Variants in FBXW7 observed in about 807,000 individuals in gnomAD.
The protein encoded by FBXW7 is F-box and WD repeat domain containing 7, also known as F-box/WD repeat-containing protein 7.
FBXW7 carries 11 observed loss-of-function variants against 86.3 expected under a neutral mutation model. The observed-to-expected ratio is 0.13, with a 90% confidence interval of 0.08 to 0.21. FBXW7 has a LOEUF of 0.21. Ranked by LOEUF, FBXW7 falls within the 10% of genes least tolerant of loss-of-function variation. The probability of loss-of-function intolerance (pLI) is 1.00; values close to 1 mark genes in which losing one functional copy is unlikely to be tolerated. For missense variants in FBXW7, 488 were observed against 847.4 expected, an observed-to-expected ratio of 0.58 and a Z score of 5.27; for synonymous variants, 313 against 297.9, an observed-to-expected ratio of 1.05 and a Z score of -0.52.
At chr4:152,528,421 T>C (rs537610191) in intron 2 of FBXW7, among the ~76,000 whole-genome samples, 4 of 152,338 alleles carry the variant, frequency 2.6e-5, no homozygotes, top group South Asian at 2.1e-4. Flanking sequence ...CATGGCAGGA[T>C]AATACAAGAC....
At chr4:152,353,003 GC>G in intron 4 of FBXW7, 1 of 1,235,552 alleles carries the variant, frequency 8.1e-7, no homozygotes, top group Non-Finnish European at 1.0e-6. Flanking sequence ...AGCAGAGACC[GC>G]CCCCACACGA....
intron 2 of FBXW7, among the ~76,000 whole-genome samples, chr4:152,426,042 C>T (rs1459715742): frequency 1.3e-5 from 2 of 152,142 alleles, no homozygotes; most frequent in Non-Finnish European, 2.9e-5. Flanking sequence ...GGCTCTGTGT[C>T]GCTCTGAAAT....
intron 6 of FBXW7, among the ~76,000 whole-genome samples, chr4:152,342,627 A>C (rs531142778): frequency 1.3e-5 from 2 of 152,322 alleles, no homozygotes; most frequent in African/African-American, 2.4e-5. Context: ...TAAAGAACTC[A>C]CTTCTCTAGC....
At chr4:152,509,559 T>C (rs1747769539) in intron 2 of FBXW7, among the ~76,000 whole-genome samples, 1 of 152,146 alleles carries the variant, frequency 6.6e-6, no homozygotes, top group Non-Finnish European at 1.5e-5. Context: ...TTAACGAACG[T>C]AAACTATTAT....
chr4:152,449,741 C>A (rs1054505106), intron 2 of FBXW7, among the ~76,000 whole-genome samples: 18 of 152,162 alleles, frequency 1.2e-4, no homozygotes, highest in African/African-American at 4.3e-4. Context: ...CTATACTATA[C>A]CTTTTATACT....
chr4:152,337,689 G>C (rs1730275541), intron 7 of FBXW7, 113 bp downstream of exon 7: 3 of 1,121,186 alleles, frequency 2.7e-6, no homozygotes, highest in Middle Eastern at 2.6e-4. Context: ...AATTAAGAGT[G>C]TCAAACTGAC....
intron 4 of FBXW7, among the ~76,000 whole-genome samples, chr4:152,405,492 G>T (rs1274875540): frequency 1.3e-5 from 2 of 152,114 alleles, no homozygotes; most frequent in Non-Finnish European, 2.9e-5. Flanking sequence ...TTCTCATTTA[G>T]GTTTGGCTTT....
In FBXW7 at chr4:152,322,800, C is replaced by CTTTTCTTT; in HGVS notation, c.*73_*80dup. ...GAGAACAAGGGATTTTTTTCTTTTT[C>CTTTTCTTT]TTTTCTTTTTTTCTTTTTGCAGGGG... On this transcript the variant is annotated 3_prime_UTR_variant, in exon 14 of 14. Coordinates refer to ENST00000281708, the MANE Select transcript of FBXW7 (RefSeq NM_001349798.2). 20 of 1,554,748 alleles carry CTTTTCTTT rather than the reference C, an allele frequency of 1.3e-5. No homozygotes were observed. The highest frequency in any genetic ancestry group is 1.7e-5 in the Non-Finnish European group (20 of 1,155,492).
chr4:152,510,566 A>T (rs761125754), intron 2 of FBXW7, among the ~76,000 whole-genome samples: 1 of 152,220 alleles, frequency 6.6e-6, no homozygotes, highest in Non-Finnish European at 1.5e-5. Context: ...AGTACCACAG[A>T]TCTCTCCAGC....
chr4:152,512,910 G>C (rs1748116117), intron 2 of FBXW7, among the ~76,000 whole-genome samples: 1 of 152,066 alleles, frequency 6.6e-6, no homozygotes, highest in Non-Finnish European at 1.5e-5. Context: ...GCCCAGGCTG[G>C]AGTGCAAATG....
intron 2 of FBXW7, among the ~76,000 whole-genome samples, chr4:152,475,819 A>C (rs536682007): frequency 3.9e-5 from 6 of 152,326 alleles, no homozygotes; most frequent in South Asian, 2.1e-4. Flanking sequence ...TGAAAACTAT[A>C]AAGCACTGAT....
chr4:152,496,298 G>C lies in FBXW7; in HGVS notation c.-120+38643C>G, dbSNP rs570538612. Among the ~76,000 whole-genome samples the C allele has an allele frequency of 2.6e-5, 4 of 151,984 alleles. No homozygotes were observed. The East Asian group carries it at 7.7e-4, about 29-fold the overall frequency. ...TATACTAATTGGTTTGTAGCTACCAGTAACAAAAAGTATTTTTATAAAAAT... is the reference window on the plus strand; with the variant it reads ...TATACTAATTGGTTTGTAGCTACCACTAACAAAAAGTATTTTTATAAAAAT... On this transcript the variant is annotated intron_variant, in intron 2 of 13. Transcript: ENST00000281708.
At chr4:152,335,638 T>C (rs1730000932) in intron 7 of FBXW7, among the ~76,000 whole-genome samples, 1 of 152,240 alleles carries the variant, frequency 6.6e-6, no homozygotes, top group Non-Finnish European at 1.5e-5. Flanking sequence ...TTCAGATAAT[T>C]ACCTTTTCCT....
At chr4:152,423,346 C>T (rs1739109982) in intron 2 of FBXW7, among the ~76,000 whole-genome samples, 1 of 152,132 alleles carries the variant, frequency 6.6e-6, no homozygotes, top group Non-Finnish European at 1.5e-5. Flanking sequence ...TATTACATGG[C>T]TGTATTACTC....
At position 152,359,997 on chromosome 4, in the gene FBXW7, ACTATTATTAACTTGCAGGATTAACAG is replaced by A. The variant is rs1271003161; in HGVS notation, c.502-9899_502-9874del. 3.9e-5 allele frequency among the ~76,000 whole-genome samples: 6 copies of A among 152,182 alleles called. No individual in the cohort carries two copies. The East Asian group carries it at 9.6e-4, about 24-fold the overall frequency. ...GACCTGAGATGTAAATGGAAATACGACTATTATTAACTTGCAGGATTAACAGCATCTATTAGACTTCTAATCACTGG... is the reference window on the plus strand; with the variant it reads ...GACCTGAGATGTAAATGGAAATACGACATCTATTAGACTTCTAATCACTGG... On this transcript the variant is annotated intron_variant, in intron 4 of 13. Coordinates refer to ENST00000281708, the MANE Select transcript of FBXW7 (RefSeq NM_001349798.2).
chr4:152,350,146 A>G lies in FBXW7; in HGVS notation c.502-22T>C, dbSNP rs1456394673. 6.2e-6 allele frequency: 9 copies of G among 1,441,622 alleles called. No individual in the cohort carries two copies. The South Asian group carries it at 1.1e-4, about 18-fold the overall frequency. 89.3% of individuals were successfully genotyped at this position (1,441,622 alleles called of 1,614,324 possible). On this transcript the variant is annotated intron_variant, in intron 4 of 13. Transcript: ENST00000281708. ...TCATCTATAAGGTAAAACAAACAAGATATGTTTTTTAAAAATCGTCTAACT... is the reference window on the plus strand; with the variant it reads ...TCATCTATAAGGTAAAACAAACAAGGTATGTTTTTTAAAAATCGTCTAACT...
chr4:152,509,007 T>A (rs1487564093), intron 2 of FBXW7, among the ~76,000 whole-genome samples: 2 of 152,166 alleles, frequency 1.3e-5, no homozygotes, highest in Non-Finnish European at 2.9e-5. Flanking sequence ...TAGGAAAACA[T>A]ACAAACACAA....
At chr4:152,416,637 A>C (rs1336601784) in intron 2 of FBXW7, among the ~76,000 whole-genome samples, 1 of 152,180 alleles carries the variant, frequency 6.6e-6, no homozygotes, top group Non-Finnish European at 1.5e-5. Context: ...ACACTAACAA[A>C]ATCAGCACAA....
chr4:152,405,873 T>C (rs576551315), intron 4 of FBXW7, among the ~76,000 whole-genome samples: 2 of 152,158 alleles, frequency 1.3e-5, no homozygotes, highest in Non-Finnish European at 2.9e-5. Flanking sequence ...AAATAAAAAC[T>C]TGGTTTGGAG....
Sources: allele counts gnomAD v4.1 joint callset (sites outside exome capture counted in the v4.1 genomes callset), GRCh38; gene constraint gnomAD v4.1.1; transcripts MANE v1.5; gene names NCBI Gene and HGNC (gene_info 2026-07-23, HGNC 2026-07-21).